The following UBXN2A variants were observed in gnomAD, a reference collection of about 807,000 sequenced individuals.
UBXN2A encodes the protein UBX domain protein 2A.
UBXN2A carries 28 observed loss-of-function variants against 28.4 expected under a neutral mutation model. The observed-to-expected ratio is 0.99, with a 90% confidence interval of 0.73 to 1.35. The LOEUF is 1.35. Among genes scored for constraint, UBXN2A ranks in the 40% most tolerant of loss-of-function variants. UBXN2A has a pLI of 0.00. For synonymous variants in UBXN2A, 97 were observed against 103.6 expected, an observed-to-expected ratio of 0.94 and a Z score of 0.39; for missense variants, 253 against 297.9, an observed-to-expected ratio of 0.85 and a Z score of 1.11.
intron 6 of UBXN2A, among the ~76,000 whole-genome samples, chr2:23,990,060 C>T (rs556883277): frequency 6.6e-6 from 1 of 152,226 alleles, no homozygotes; most frequent in East Asian, 1.9e-4. Flanking sequence ...CTGCCTCCTA[C>T]CCCACATGTA....
chr2:23,988,571 C>T (rs1708221301), intron 6 of UBXN2A, among the ~76,000 whole-genome samples: 1 of 152,152 alleles, frequency 6.6e-6, no homozygotes, highest in African/African-American at 2.4e-5. Flanking sequence ...TGTATTCCAA[C>T]AGGTGGCATC....
chr2:23,966,367 C>T (rs940390067), intron 2 of UBXN2A, among the ~76,000 whole-genome samples: 2 of 151,564 alleles, frequency 1.3e-5, no homozygotes, highest in African/African-American at 2.4e-5. Context: ...GATCTCTTGA[C>T]CTCGTGATCC....
rs376819325 is a variant in UBXN2A, at chr2:23,950,794, G to A, written c.-14-7507G>A. 1.1e-4 allele frequency among the ~76,000 whole-genome samples: 16 copies of A among 151,916 alleles called. No individual in the cohort carries two copies. The South Asian group carries it at 1.2e-3, about 12-fold the overall frequency. ...TCTTGGCTCACTGCAACCTCCACCC[G>A]CCGGGTTCAAGCGATTCTCCTGCCT... On this transcript the variant is annotated intron_variant, in intron 1 of 6. Coordinates refer to ENST00000309033, the MANE Select transcript of UBXN2A (RefSeq NM_181713.4).
chr2:23,929,637 C>T (rs533168676), intron 1 of UBXN2A, among the ~76,000 whole-genome samples: 2 of 151,584 alleles, frequency 1.3e-5, no homozygotes, highest in Non-Finnish European at 1.5e-5. Flanking sequence ...CGCTTGAACC[C>T]GGGAGGCGGA....
At chr2:23,947,154 G>A (rs1573538095) in intron 1 of UBXN2A, among the ~76,000 whole-genome samples, 1 of 152,246 alleles carries the variant, frequency 6.6e-6, no homozygotes, top group Admixed American at 6.5e-5. Context: ...CTCCTAAAGT[G>A]CTGAGATTAC....
Position 23,976,997 on chromosome 2 carries a change from A to C in UBXN2A, c.209A>C (p.Asn70Thr), listed in dbSNP as rs1475589078. The C allele has an allele frequency of 1.2e-6, 2 of 1,611,802 alleles. No individual in the cohort carries two copies. Among genetic ancestry groups the C allele is most frequent in the Non-Finnish European group, 1.7e-6 (2 of 1,178,226 alleles). ...QVDVNIKLWK[N>T]GFTVNDDFRS... Reference sequence around the variant, plus strand: ...GATGTAAATATAAAATTATGGAAAAACGGATTCACCGTCAACGACGATTTC... The same window carrying C: ...GATGTAAATATAAAATTATGGAAAACCGGATTCACCGTCAACGACGATTTC... The change falls in exon 4 of 7, where the codon AAC (asparagine) becomes ACC (threonine). Residue 70 changes from asparagine to threonine, a missense_variant. Transcript: ENST00000309033.
intron 1 of UBXN2A, among the ~76,000 whole-genome samples, chr2:23,943,257 C>T (rs1317884836): frequency 6.6e-6 from 1 of 151,750 alleles, no homozygotes; most frequent in African/African-American, 2.4e-5. Flanking sequence ...GCCTGGCCAA[C>T]TTTTTATTTC....
intron 4 of UBXN2A, 81 bp downstream of exon 4, chr2:23,977,156 G>A: frequency 8.8e-7 from 1 of 1,130,876 alleles, no homozygotes; most frequent in East Asian, 2.4e-5. Flanking sequence ...CTGAGCTCAG[G>A]AGTTCAAGGC....
intron 5 of UBXN2A, 108 bp downstream of exon 5, chr2:23,983,141 C>T (rs1267311509): frequency 6.5e-6 from 8 of 1,228,474 alleles, no homozygotes; most frequent in African/African-American, 1.6e-5. Flanking sequence ...TCATTTCTCC[C>T]ATTGGAAATC....
chr2:23,933,059 C>T (rs144546054), intron 1 of UBXN2A, among the ~76,000 whole-genome samples: 5,793 of 151,990 alleles, frequency 0.038, 110 homozygotes, highest in South Asian at 0.046. Flanking sequence ...GAGCCAAGAT[C>T]GCACCACTGC....
chr2:23,968,665 T>C (rs1208582379), intron 2 of UBXN2A, among the ~76,000 whole-genome samples: 2 of 145,198 alleles, frequency 1.4e-5, no homozygotes, highest in Non-Finnish European at 3.0e-5. Context: ...AGAGTGAGAC[T>C]CCGTCTCAGG....
chr2:23,978,421 A>G (rs1707761917), intron 4 of UBXN2A, among the ~76,000 whole-genome samples: 1 of 152,100 alleles, frequency 6.6e-6, no homozygotes, highest in Non-Finnish European at 1.5e-5. Flanking sequence ...AGGCGTGCAG[A>G]TCACGAGGTC....
chr2:23,936,244 C>T (rs372209847), upstream of UBXN2A, among the ~76,000 whole-genome samples: 4 of 152,050 alleles, frequency 2.6e-5, no homozygotes, highest in African/African-American at 7.2e-5. Context: ...GTAATATATA[C>T]ATACAATGGA....
At chr2:23,943,051 G>A (rs774805120) in intron 1 of UBXN2A, among the ~76,000 whole-genome samples, 2 of 151,078 alleles carry the variant, frequency 1.3e-5, no homozygotes, top group Non-Finnish European at 2.9e-5. Flanking sequence ...TGCCTCCCGG[G>A]TTCAAACGAT....
intron 1 of UBXN2A, among the ~76,000 whole-genome samples, chr2:23,952,552 C>T (rs1246724670): frequency 6.6e-6 from 1 of 152,142 alleles, no homozygotes; most frequent in South Asian, 2.1e-4. Flanking sequence ...TCAAGCAGTT[C>T]TTCTGCCTCA....
chr2:23,971,906 C>T (rs1309056196), intron 3 of UBXN2A, among the ~76,000 whole-genome samples: 1 of 151,806 alleles, frequency 6.6e-6, no homozygotes, highest in African/African-American at 2.4e-5. Context: ...AAAAACCAGT[C>T]TGGGCAATAA....
At chr2:23,960,487 T>A (rs1021149974) in intron 2 of UBXN2A, among the ~76,000 whole-genome samples, 2 of 152,208 alleles carry the variant, frequency 1.3e-5, no homozygotes, top group Admixed American at 6.5e-5. Flanking sequence ...ACTTAAAATA[T>A]ATAGTTCAGT....
At chr2:23,992,261 C>T (rs1041273096) in intron 6 of UBXN2A, among the ~76,000 whole-genome samples, 2 of 152,028 alleles carry the variant, frequency 1.3e-5, no homozygotes, top group South Asian at 4.2e-4. Flanking sequence ...TGAGCCACCG[C>T]GCCCAGCCTA....
chr2:23,958,651 C>A (rs2339885), intron 2 of UBXN2A, among the ~76,000 whole-genome samples: 5 of 152,248 alleles, frequency 3.3e-5, no homozygotes, highest in African/African-American at 1.2e-4. Flanking sequence ...GTGATAGATA[C>A]ACTATTTTAG....
Sources: allele counts gnomAD v4.1 joint callset (sites outside exome capture counted in the v4.1 genomes callset), GRCh38; gene constraint gnomAD v4.1.1; transcripts MANE v1.5; gene names NCBI Gene and HGNC (gene_info 2026-07-23, HGNC 2026-07-21).